COLEC11: variants seen among roughly 807,000 people sequenced by gnomAD.
The protein encoded by COLEC11 is collectin-11.
A neutral mutation model predicts 27.3 loss-of-function variants in COLEC11; 20 were observed. The ratio of observed to expected loss-of-function variants is 0.73; its 90% CI spans 0.51 to 1.06. The LOEUF is 1.06. Ranked by LOEUF, COLEC11 falls within the 50% of genes least tolerant of loss-of-function variation. The pLI, the probability that COLEC11 is intolerant of heterozygous loss-of-function variation, is 0.00. For missense variants in COLEC11, 310 were observed against 383.0 expected, an observed-to-expected ratio of 0.81 and a Z score of 1.59; for synonymous variants, 163 against 154.7, an observed-to-expected ratio of 1.05 and a Z score of -0.40.
chr2:3,641,321 G>T (rs1488512176), intron 5 of COLEC11: 2 of 1,303,214 alleles, frequency 1.5e-6, no homozygotes, highest in Non-Finnish European at 2.0e-6. Flanking sequence ...GTGTGAGTGC[G>T]CTGAGATCAG....
intron 2 of COLEC11, among the ~76,000 whole-genome samples, chr2:3,610,337 C>T (rs1226880440): frequency 6.6e-6 from 1 of 152,164 alleles, no homozygotes; most frequent in African/African-American, 2.4e-5. Context: ...GCTGGCAGAC[C>T]TGCTTAGTGT....
intron 2 of COLEC11, among the ~76,000 whole-genome samples, chr2:3,606,934 A>G (rs1422218800): frequency 6.6e-6 from 1 of 152,216 alleles, no homozygotes; most frequent in Non-Finnish European, 1.5e-5. Context: ...GTCACCATTC[A>G]TTAGACAAGC....
chr2:3,598,362 C>T (rs947240939), intron 1 of COLEC11, among the ~76,000 whole-genome samples: 2 of 152,216 alleles, frequency 1.3e-5, no homozygotes, highest in Admixed American at 6.5e-5. Flanking sequence ...ACGGAAACAC[C>T]ACGAGGAGAA....
At chr2:3,641,322 C>T in intron 5 of COLEC11, 1 of 1,303,400 alleles carries the variant, frequency 7.7e-7, no homozygotes, top group South Asian at 1.2e-5. Context: ...TGTGAGTGCG[C>T]TGAGATCAGT....
chr2:3,636,753 A>G (rs1008734990), intron 3 of COLEC11, among the ~76,000 whole-genome samples: 1 of 152,142 alleles, frequency 6.6e-6, no homozygotes, highest in East Asian at 1.9e-4. Context: ...GGGAGGGAGT[A>G]CTGAGAAACT....
chr2:3,643,714 C>T lies in COLEC11; in HGVS notation c.425-13C>T. 3 of 1,613,542 alleles carry T rather than the reference C, an allele frequency of 1.9e-6. No homozygotes were observed. Among genetic ancestry groups the T allele is most frequent in the Non-Finnish European group, 2.5e-6 (3 of 1,179,930 alleles). ...TACAAGTGCTCACTTTTCAACCCTG[C>T]CTTACCCCACAGCTGTCGCCGGTGT... On this transcript the variant is annotated splice_polypyrimidine_tract_variant and intron_variant, in intron 6 of 6. Coordinates refer to ENST00000349077, the MANE Select transcript of COLEC11 (RefSeq NM_024027.5).
chr2:3,633,276 G>C (rs11690887), intron 3 of COLEC11, among the ~76,000 whole-genome samples: 20,386 of 152,192 alleles, frequency 0.13, 1,544 homozygotes, highest in East Asian at 0.32. Context: ...TCCCATCTTC[G>C]GGAAAGACTT....
chr2:3,623,440 G>A (rs1664315891), intron 3 of COLEC11, among the ~76,000 whole-genome samples: 1 of 151,960 alleles, frequency 6.6e-6, no homozygotes, highest in Non-Finnish European at 1.5e-5. Context: ...TAGCTTTCTT[G>A]ATGGTGTCCT....
intron 3 of COLEC11, among the ~76,000 whole-genome samples, chr2:3,616,404 A>G (rs1663737785): frequency 6.6e-6 from 1 of 151,946 alleles, no homozygotes; most frequent in South Asian, 2.1e-4. Context: ...AGGCCAAGGC[A>G]GGCGGCTGGG....
chr2:3,639,182 C>G (rs968467216), intron 4 of COLEC11, among the ~76,000 whole-genome samples: 14 of 152,196 alleles, frequency 9.2e-5, no homozygotes, highest in African/African-American at 3.4e-4. Context: ...ATGGATGGAC[C>G]ACAATTATTG....
At chr2:3,639,828 G>C (rs916898508) in intron 4 of COLEC11, among the ~76,000 whole-genome samples, 4 of 152,198 alleles carry the variant, frequency 2.6e-5, no homozygotes, top group Admixed American at 2.6e-4. Flanking sequence ...GAAGGACCTT[G>C]AGCCAGGGCA....
At chr2:3,632,203 G>T (rs1450458095) in intron 3 of COLEC11, among the ~76,000 whole-genome samples, 3 of 152,206 alleles carry the variant, frequency 2.0e-5, no homozygotes, top group African/African-American at 7.2e-5. Context: ...GAGATTTGGG[G>T]CCAGGCCTGT....
intron 3 of COLEC11, among the ~76,000 whole-genome samples, chr2:3,633,019 C>T (rs1665127072): frequency 6.6e-6 from 1 of 152,166 alleles, no homozygotes; most frequent in African/African-American, 2.4e-5. Context: ...CGAGGGGCTT[C>T]CTCCCCACCT....
intron 1 of COLEC11, among the ~76,000 whole-genome samples, chr2:3,601,217 G>T (rs548176728): frequency 3.0e-4 from 45 of 152,220 alleles, no homozygotes; most frequent in Non-Finnish European, 6.0e-4. Context: ...GGACAGGGTG[G>T]TGTGCGGACC....
intron 3 of COLEC11, chr2:3,626,063 C>G (rs1381047079): frequency 6.2e-7 from 1 of 1,614,062 alleles, no homozygotes; most frequent in East Asian, 2.2e-5. Flanking sequence ...AGGAAGTGCA[C>G]CTCGTCCTTT....
intron 2 of COLEC11, chr2:3,605,988 C>G: frequency 7.2e-7 from 1 of 1,396,692 alleles, no homozygotes; most frequent in Non-Finnish European, 9.7e-7. Context: ...ATAAATGTAC[C>G]TGCTTTAGAA....
At chr2:3,600,017 T>C (rs1662103678) in intron 1 of COLEC11, among the ~76,000 whole-genome samples, 1 of 149,454 alleles carries the variant, frequency 6.7e-6, no homozygotes, top group Non-Finnish European at 1.5e-5. Flanking sequence ...GGGTGGATCA[T>C]GAGGTCAGGA....
intron 4 of COLEC11, among the ~76,000 whole-genome samples, 163 bp from the exon 5 acceptor site, chr2:3,640,115 C>T (rs543697480): frequency 1.4e-4 from 22 of 152,298 alleles, no homozygotes; most frequent in Admixed American, 1.3e-4. Context: ...TAAATAGTGC[C>T]GGAAGCAGGA....
At chr2:3,609,033 A>G (rs1662962207) in intron 2 of COLEC11, among the ~76,000 whole-genome samples, 1 of 152,264 alleles carries the variant, frequency 6.6e-6, no homozygotes, top group African/African-American at 2.4e-5. Context: ...CCCACACTGC[A>G]GGCACAGCCG....
Sources: allele counts gnomAD v4.1 joint callset (sites outside exome capture counted in the v4.1 genomes callset), GRCh38; gene constraint gnomAD v4.1.1; transcripts MANE v1.5; gene names NCBI Gene and HGNC (gene_info 2026-07-23, HGNC 2026-07-21).